SYNPR: variants seen among roughly 807,000 people sequenced by gnomAD.
SYNPR encodes the protein synaptoporin.
A neutral mutation model predicts 32.9 loss-of-function variants in SYNPR; 23 were observed. That is an observed-to-expected ratio of 0.70 (90% confidence interval 0.50 to 0.99). SYNPR has a LOEUF of 0.99. Among genes scored for constraint, SYNPR ranks in the 50% least tolerant of loss-of-function variants. The probability of loss-of-function intolerance (pLI) is 0.00; values close to 1 mark genes in which losing one functional copy is unlikely to be tolerated. For synonymous variants in SYNPR, 146 were observed against 135.9 expected (o/e 1.07, Z -0.52); for missense variants, 318 against 349.3 (o/e 0.91, Z 0.71).
At chr3:63,510,465 C>T (rs1157648952) in intron 3 of SYNPR, among the ~76,000 whole-genome samples, 2 of 152,118 alleles carry the variant, frequency 1.3e-5, no homozygotes, top group Admixed American at 1.3e-4. Context: ...AACCAACAGT[C>T]CTTCACATAA....
chr3:63,488,709 G>T (rs1228734377), intron 3 of SYNPR, among the ~76,000 whole-genome samples: 1 of 152,128 alleles, frequency 6.6e-6, no homozygotes, highest in African/African-American at 2.4e-5. Context: ...TATTATTAAG[G>T]AAGTCTAGTG....
intron 2 of SYNPR, among the ~76,000 whole-genome samples, chr3:63,287,867 A>G (rs774655211): frequency 3.9e-5 from 6 of 152,172 alleles, no homozygotes; most frequent in Non-Finnish European, 8.8e-5. Flanking sequence ...TACCCACTGC[A>G]TGATAATGGT....
intron 4 of SYNPR, among the ~76,000 whole-genome samples, chr3:63,588,005 G>A (rs2106871866): frequency 6.6e-6 from 1 of 152,084 alleles, no homozygotes; most frequent in East Asian, 1.9e-4. Context: ...GGTGGGGTAA[G>A]TTCAACATAC....
At chr3:63,480,071 C>G (rs1026697013) in intron 2 of SYNPR, among the ~76,000 whole-genome samples, 4 of 152,194 alleles carry the variant, frequency 2.6e-5, no homozygotes, top group Admixed American at 1.3e-4. Flanking sequence ...CTTATGTCCC[C>G]TCTTAGGCCA....
intron 2 of SYNPR, among the ~76,000 whole-genome samples, chr3:63,374,285 T>C (rs1461451519): frequency 1.5e-5 from 2 of 131,264 alleles, no homozygotes; most frequent in Non-Finnish European, 3.2e-5. Flanking sequence ...CATTCCTGCA[T>C]CTATTGAGAT....
At chr3:63,610,686 T>C (rs926177124) in intron 5 of SYNPR, 8 of 431,110 alleles carry the variant, frequency 1.9e-5, no homozygotes, top group Non-Finnish European at 3.3e-5. Context: ...GTAGTTTGTT[T>C]ATAGACAGTA....
intron 3 of SYNPR, among the ~76,000 whole-genome samples, chr3:63,554,348 A>G (rs1702558674): frequency 6.6e-6 from 1 of 152,194 alleles, no homozygotes; most frequent in Admixed American, 6.5e-5. Flanking sequence ...TTGAGGTCTT[A>G]CATTTATATC....
At chr3:63,589,027 T>C (rs1703254737) in intron 4 of SYNPR, among the ~76,000 whole-genome samples, 1 of 152,062 alleles carries the variant, frequency 6.6e-6, no homozygotes, top group Non-Finnish European at 1.5e-5. Context: ...GCCAACCCAG[T>C]ATCAACATGC....
At chr3:63,376,295 T>A (rs1339689432) in intron 2 of SYNPR, among the ~76,000 whole-genome samples, 1 of 152,264 alleles carries the variant, frequency 6.6e-6, no homozygotes, top group African/African-American at 2.4e-5. Flanking sequence ...GATCTTGTTA[T>A]AACTTGTATT....
At chr3:63,457,738 A>G (rs527698721) in intron 2 of SYNPR, among the ~76,000 whole-genome samples, 1 of 152,262 alleles carries the variant, frequency 6.6e-6, no homozygotes, top group East Asian at 1.9e-4. Flanking sequence ...ACAGACCCAC[A>G]GAGCTCAAAC....
At chr3:63,256,296 T>C (rs996945159) in intron 2 of SYNPR, among the ~76,000 whole-genome samples, 13 of 152,014 alleles carry the variant, frequency 8.6e-5, no homozygotes, top group Admixed American at 8.5e-4. Flanking sequence ...GACCCCCGAG[T>C]AGCCTAACTG....
At chr3:63,358,809 G>C (rs183014579) in intron 2 of SYNPR, among the ~76,000 whole-genome samples, 3 of 152,094 alleles carry the variant, frequency 2.0e-5, no homozygotes, top group Admixed American at 2.0e-4. Context: ...TCATTTTATA[G>C]ATAAGGAAAC....
intron 4 of SYNPR, among the ~76,000 whole-genome samples, chr3:63,585,417 T>A (rs1427828802): frequency 1.3e-5 from 2 of 150,972 alleles, no homozygotes; most frequent in Non-Finnish European, 2.9e-5. Flanking sequence ...GGCAATGGCA[T>A]TTCAGTCACA....
chr3:63,357,326 TTCTC>T (rs1210373734), intron 2 of SYNPR, among the ~76,000 whole-genome samples: 6 of 151,948 alleles, frequency 3.9e-5, no homozygotes, highest in Admixed American at 2.6e-4. Flanking sequence ...AGCATGGCCT[TTCTC>T]TCTCTTTTTT....
At position 63,403,088 on chromosome 3, in the gene SYNPR, G is replaced by A. The variant is rs748174345; in HGVS notation, c.85-77744G>A. Among the ~76,000 whole-genome samples the A allele has an allele frequency of 5.9e-5, 9 of 152,114 alleles. 1 individual carries two copies. Among genetic ancestry groups the A allele is most frequent in the Admixed American group, 2.6e-4 (4 of 15,268 alleles). ...TTGTGTCAATAGTTTACTTCTTCCC[G>A]AGTAACATAATTATATATCCACATT... On this transcript the variant is annotated intron_variant, in intron 2 of 5. Transcript: ENST00000478300.
intron 2 of SYNPR, among the ~76,000 whole-genome samples, chr3:63,458,100 C>T (rs1040303066): frequency 2.6e-5 from 4 of 152,052 alleles, no homozygotes; most frequent in African/African-American, 9.7e-5. Context: ...TTTTGATATA[C>T]GATAAGGTAA....
intron 3 of SYNPR, among the ~76,000 whole-genome samples, chr3:63,554,387 T>C (rs1702559300): frequency 6.6e-6 from 1 of 152,254 alleles, no homozygotes; most frequent in South Asian, 2.1e-4. Flanking sequence ...AATTTTTTTA[T>C]ATGGTGAAAG....
intron 4 of SYNPR, among the ~76,000 whole-genome samples, chr3:63,567,832 C>T (rs1702818272): frequency 6.6e-6 from 1 of 152,198 alleles, no homozygotes; most frequent in South Asian, 2.1e-4. Context: ...ACCTTTGTTC[C>T]ACCACCTGTC....
chr3:63,412,956 T>C (rs778729705), intron 2 of SYNPR, among the ~76,000 whole-genome samples: 13 of 152,186 alleles, frequency 8.5e-5, no homozygotes, highest in Non-Finnish European at 1.5e-4. Flanking sequence ...ATTCGGAACC[T>C]GCTATTGCAT....
Sources: allele counts gnomAD v4.1 joint callset (sites outside exome capture counted in the v4.1 genomes callset), GRCh38; gene constraint gnomAD v4.1.1; transcripts MANE v1.5; gene names NCBI Gene and HGNC (gene_info 2026-07-23, HGNC 2026-07-21).